Variants in ZNF280D observed in about 807,000 individuals in gnomAD.
The protein encoded by ZNF280D is suppressor of hairy wing homolog 4.
In ZNF280D, 39 loss-of-function variants were observed where a neutral mutation model predicts 94.7. The ratio of observed to expected loss-of-function variants is 0.41; its 90% confidence interval spans 0.32 to 0.54. The LOEUF is 0.54. Ranked by LOEUF, ZNF280D falls within the 20% of genes least tolerant of loss-of-function variation. ZNF280D has a pLI of 0.22. For synonymous variants in ZNF280D, 398 were observed against 377.6 expected (o/e 1.05, Z -0.63); for missense variants, 1,090 against 1,149.3 (o/e 0.95, Z 0.75).
At chr15:56,712,143 T>C (rs964535510) in intron 1 of ZNF280D, among the ~76,000 whole-genome samples, 3 of 152,204 alleles carry the variant, frequency 2.0e-5, no homozygotes, top group Admixed American at 2.0e-4. Context: ...CTGTCAAATC[T>C]ATCCTACCAC....
chr15:56,647,295 A>G (rs1451121823), intron 19 of ZNF280D, among the ~76,000 whole-genome samples: 1 of 152,226 alleles, frequency 6.6e-6, no homozygotes, highest in African/African-American at 2.4e-5. Flanking sequence ...TATACACTGG[A>G]TAAAGGTAAA....
chr15:56,633,044 A>G (rs566829165), intron 21 of ZNF280D, among the ~76,000 whole-genome samples: 2 of 152,308 alleles, frequency 1.3e-5, no homozygotes, highest in Admixed American at 1.3e-4. Flanking sequence ...AGTGAATCAC[A>G]AAATATGAGA....
chr15:56,713,839 T>C (rs12905514), intron 1 of ZNF280D, among the ~76,000 whole-genome samples: 74,848 of 152,010 alleles, frequency 0.49, 19,921 homozygotes, highest in East Asian at 0.61. Flanking sequence ...GATTCCATTA[T>C]GGAAAATTGG....
rs750524613 is a variant in ZNF280D at position 56,654,505 on chromosome 15, T to TAA, written c.2058-4_2058-3dup. 2.5e-5 allele frequency: 31 copies of TAA among 1,241,864 alleles called. No homozygotes were observed. The highest frequency in any genetic ancestry group is 6.3e-5 in the South Asian group (4 of 63,908). The allele number at this position is 1,241,864 out of a possible 1,614,324, so 76.9% of individuals were successfully genotyped here. A position where few individuals can be genotyped will look rare whatever the true frequency, so the allele number is the denominator to read the frequency against. ...TTAAGGCACACTAGAGTAATGCCCC[T>TAA]AAAAAAAAAAGCATTAAAAAAAGAT... On this transcript the variant is annotated splice_region_variant and splice_polypyrimidine_tract_variant and intron_variant, in intron 17 of 21. Coordinates refer to ENST00000267807, the MANE Select transcript of ZNF280D (RefSeq NM_017661.4).
chr15:56,723,737 C>A (rs1234591062), intron 1 of ZNF280D, among the ~76,000 whole-genome samples: 1 of 152,048 alleles, frequency 6.6e-6, no homozygotes, highest in South Asian at 2.1e-4. Context: ...TACTTGACCA[C>A]GCCCATAGAA....
intron 16 of ZNF280D, among the ~76,000 whole-genome samples, chr15:56,659,160 TAG>T (rs1215399896): frequency 7.8e-6 from 1 of 127,402 alleles, no homozygotes; most frequent in Non-Finnish European, 1.6e-5. Flanking sequence ...GGCTTTCTAG[TAG>T]AGTGTTTTTT....
rs1336826745 is a variant in ZNF280D at position 56,676,758 on chromosome 15, T to C, written c.1322A>G (p.His441Arg). ...GCATAGCAAGTTCTTAGTGTTTTCA[T>C]GGGATGTTCTAAAATGAGTTTCTAC... is the stretch of plus-strand genomic sequence containing the variant. ...SDVETHFRTS[H>R]ENTKNLLCPF... is the part of the protein sequence containing the mutation. Residue 441 changes from histidine to arginine, a missense_variant, in exon 13 of 22, where the codon CAT becomes CGT. By Grantham distance (29) the His-to-Arg change is conservative (BLOSUM62 0). Transcript: ENST00000267807. The C allele has an allele frequency of 6.2e-7, 1 of 1,610,720 alleles. No homozygotes were observed. Among genetic ancestry groups the C allele is most frequent in the Non-Finnish European group, 8.5e-7 (1 of 1,177,902 alleles).
intron 1 of ZNF280D, among the ~76,000 whole-genome samples, chr15:56,710,752 G>A (rs2057715201): frequency 6.6e-6 from 1 of 152,150 alleles, no homozygotes; most frequent in South Asian, 2.1e-4. Flanking sequence ...ATCACCCGAT[G>A]TACTGCTGCC....
At chr15:56,637,429 C>T (rs1449315138) in intron 20 of ZNF280D, among the ~76,000 whole-genome samples, 2 of 152,040 alleles carry the variant, frequency 1.3e-5, no homozygotes, top group African/African-American at 4.8e-5. Flanking sequence ...GATCCTCCTG[C>T]ATTAGCTTCC....
Position 56,631,824 on chromosome 15 carries a change from T to G in ZNF280D, c.2614A>C (p.Ser872Arg), listed in dbSNP as rs775987702. 16 of 1,613,956 alleles carry G rather than the reference T, an allele frequency of 9.9e-6. No individual in the cohort carries two copies. The highest frequency in any genetic ancestry group is 1.3e-5 in the Non-Finnish European group (15 of 1,180,030). The stretch of plus-strand genomic sequence containing the variant: ...TTCTTTGAAGAAAATCTGGCTTCAC[T>G]GGAGTTGTGATCTTTAATCTGATCA... The part of the protein sequence containing the change: ...LSDQIKDHNS[S>R]EARFSSKNIK... Residue 872 changes from serine (S) to arginine (R), a missense_variant, in exon 22 of 22, where the codon AGT (serine) becomes CGT (arginine). Physicochemically the swap from Ser to Arg is moderately radical, Grantham distance 110. Around this residue, in one of 3 missense-constraint regions of ZNF280D, gnomAD observed 577 missense variants for 568.8 expected, o/e 1.01. Transcript: ENST00000267807.
At chr15:56,704,501 G>A (rs977970230) in intron 3 of ZNF280D, among the ~76,000 whole-genome samples, 14 of 152,072 alleles carry the variant, frequency 9.2e-5, no homozygotes, top group African/African-American at 2.2e-4. Context: ...GTTATTTACC[G>A]TAGACAGAAA....
intron 7 of ZNF280D, 61 bp from the exon 8 acceptor site, chr15:56,689,531 A>G: frequency 9.5e-7 from 1 of 1,050,954 alleles, no homozygotes; most frequent in Non-Finnish European, 1.3e-6. Flanking sequence ...TTTACATCTG[A>G]GTAAAAATAT....
chr15:56,688,901 C>T (rs1339812296), intron 9 of ZNF280D, 140 bp downstream of exon 9: 3 of 520,350 alleles, frequency 5.8e-6, no homozygotes, highest in Non-Finnish European at 9.9e-6. Flanking sequence ...TCTATATAAT[C>T]ATTATGAATG....
chr15:56,653,596 G>A, intron 19 of ZNF280D: 1 of 1,482,422 alleles, frequency 6.7e-7, no homozygotes, highest in Non-Finnish European at 8.9e-7. Context: ...GGCTGCTTCT[G>A]CATCTGAAAA....
At chr15:56,709,195 A>G (rs1173475839) in intron 1 of ZNF280D, among the ~76,000 whole-genome samples, 6 of 152,364 alleles carry the variant, frequency 3.9e-5, no homozygotes, top group Admixed American at 2.6e-4. Context: ...AAAAGTGGGC[A>G]AAGGATATGA....
At position 56,654,244 on chromosome 15, in the gene ZNF280D, GA is replaced by G; in HGVS notation, c.2177-11del. ...GGGATACAAACAGAAACTGAAATTA[GA>G]AGAAAAGTTTTACATTTACAACAGC... On this transcript the variant is annotated splice_polypyrimidine_tract_variant and intron_variant, in intron 18 of 21. Transcript: ENST00000267807. 6.2e-7 allele frequency: 1 copy of G among 1,610,052 alleles called. No homozygotes were observed. The highest frequency in any genetic ancestry group is 8.5e-7 in the Non-Finnish European group (1 of 1,178,956).
intron 7 of ZNF280D, among the ~76,000 whole-genome samples, chr15:56,692,014 T>C (rs1197956371): frequency 6.6e-6 from 1 of 152,116 alleles, no homozygotes; most frequent in African/African-American, 2.4e-5. Context: ...CAGGCTAAAG[T>C]CCCACTCACT....
At chr15:56,714,722 A>G (rs1336821200) in intron 1 of ZNF280D, among the ~76,000 whole-genome samples, 1 of 152,186 alleles carries the variant, frequency 6.6e-6, no homozygotes, top group Non-Finnish European at 1.5e-5. Context: ...TTAGCACGTT[A>G]ATTCTCTGAA....
At position 56,701,141 on chromosome 15, in the gene ZNF280D, T is replaced by C. The variant is rs758702301; in HGVS notation, c.241+32A>G. ...AATCAATTTTGTCAAAATACTTCACTTTAAAATTAAAATAGTATAATAATA... is the reference window on the plus strand; with the variant it reads ...AATCAATTTTGTCAAAATACTTCACCTTAAAATTAAAATAGTATAATAATA... On this transcript the variant is annotated intron_variant, in intron 5 of 21. Coordinates refer to ENST00000267807, the MANE Select transcript of ZNF280D (RefSeq NM_017661.4). 1.6e-5 allele frequency: 26 copies of C among 1,603,338 alleles called. No individual in the cohort carries two copies. In the South Asian group the frequency reaches 2.7e-4, roughly 16 times the overall value.
Sources: gnomAD v4.1 joint callset for allele counts (sites outside exome capture counted in the v4.1 genomes callset) on GRCh38, gnomAD v4.1.1 for gene constraint, gnomAD v4.1.1 regional missense constraint, MANE v1.5 for transcripts, NCBI Gene and HGNC (gene_info 2026-07-23, HGNC 2026-07-21) for gene names.